Variants in CNTN4 observed in about 807,000 individuals in gnomAD.
CNTN4 encodes the protein contactin-4.
A neutral mutation model predicts 122.5 loss-of-function variants in CNTN4; 77 were observed. The observed-to-expected ratio is 0.63, with a 90% CI of 0.52 to 0.76. The LOEUF is 0.76. CNTN4 is among the 30% of genes least tolerant of loss of function. The pLI, the probability that CNTN4 is intolerant of heterozygous loss-of-function variation, is 0.00. For synonymous variants in CNTN4, 512 were observed against 447.0 expected (o/e 1.15, Z -1.83); for missense variants, 1,256 against 1,259.1 (o/e 1.00, Z 0.04).
At chr3:2,396,794 A>G (rs1348968878) in intron 3 of CNTN4, among the ~76,000 whole-genome samples, 1 of 151,972 alleles carries the variant, frequency 6.6e-6, no homozygotes, top group Non-Finnish European at 1.5e-5. Flanking sequence ...TAATTATTAG[A>G]CTGATATGGC....
chr3:2,781,834 C>T (rs1379648885), intron 6 of CNTN4, among the ~76,000 whole-genome samples: 9 of 135,600 alleles, frequency 6.6e-5, no homozygotes, highest in Admixed American at 4.3e-4. Flanking sequence ...CCGCCATTCT[C>T]CTGCCTCAGC....
At chr3:2,684,982 A>T (rs200149160) in intron 4 of CNTN4, among the ~76,000 whole-genome samples, 1 of 152,332 alleles carries the variant, frequency 6.6e-6, no homozygotes, top group East Asian at 1.9e-4. Flanking sequence ...AACTTGTGAA[A>T]CGTAAAGATT....
chr3:2,152,652 G>T (rs1182024666), intron 2 of CNTN4, among the ~76,000 whole-genome samples: 3 of 152,160 alleles, frequency 2.0e-5, no homozygotes, highest in African/African-American at 4.8e-5. Context: ...AAAGACTAGT[G>T]CTGGAACAGG....
In CNTN4 at chr3:3,038,949, A is replaced by G; in HGVS notation, c.2109A>G (p.Pro703=). ...RTEEALPEVT[P]ANVSGGGGSK... ...CTTGTGCAGTCCCCGAAGTCACACC[A>G]GCGAATGTCAGTGGTGGCGGAGGCA... The change falls in exon 19 of 25, where the codon CCA becomes CCG. Residue 703 remains proline, a synonymous_variant. Coordinates refer to ENST00000418658, the MANE Select transcript of CNTN4 (RefSeq NM_175607.3). 1 of 1,614,154 alleles carries G rather than the reference A, an allele frequency of 6.2e-7. No individual in the cohort carries two copies. Among genetic ancestry groups the G allele is most frequent in the Non-Finnish European group, 8.5e-7 (1 of 1,179,998 alleles).
At chr3:2,793,771 T>G (rs2092085479) in intron 6 of CNTN4, among the ~76,000 whole-genome samples, 1 of 152,180 alleles carries the variant, frequency 6.6e-6, no homozygotes, top group South Asian at 2.1e-4. Flanking sequence ...CTTGCCTTGA[T>G]TACAGTTACT....
At chr3:2,480,193 C>G (rs577011536) in intron 3 of CNTN4, among the ~76,000 whole-genome samples, 26 of 151,962 alleles carry the variant, frequency 1.7e-4, no homozygotes, top group South Asian at 4.2e-4. Flanking sequence ...CAAAGTTTTC[C>G]TACCAGGATC....
At chr3:3,003,684 C>CAAAAAAAAAAAAA (rs58290160) in intron 14 of CNTN4, among the ~76,000 whole-genome samples, 10 of 76,982 alleles carry the variant, frequency 1.3e-4, no homozygotes, top group Non-Finnish European at 2.1e-4. Flanking sequence ...ATGGTTGCAC[C>CAAAAAAAAAAAAA]AAAAAAAAAA....
intron 2 of CNTN4, among the ~76,000 whole-genome samples, chr3:2,336,980 A>G (rs751455523): frequency 2.0e-5 from 3 of 152,318 alleles, no homozygotes; most frequent in East Asian, 1.9e-4. Flanking sequence ...TGATGGTTCA[A>G]TAGCTGTAGC....
At chr3:2,310,350 A>G (rs1474640946) in intron 2 of CNTN4, among the ~76,000 whole-genome samples, 1 of 152,140 alleles carries the variant, frequency 6.6e-6, no homozygotes, top group African/African-American at 2.4e-5. Flanking sequence ...GACACTGTGG[A>G]GCTATGGGAT....
intron 3 of CNTN4, among the ~76,000 whole-genome samples, chr3:2,477,608 T>A (rs1423873946): frequency 6.6e-6 from 1 of 152,214 alleles, no homozygotes; most frequent in Non-Finnish European, 1.5e-5. Context: ...AGCTCTATCT[T>A]CTACCCTTAG....
chr3:2,852,894 AC>A (rs1335034035), intron 7 of CNTN4, among the ~76,000 whole-genome samples: 3 of 152,170 alleles, frequency 2.0e-5, no homozygotes, highest in Non-Finnish European at 4.4e-5. Context: ...CTTGAAGCTG[AC>A]TTTTTTCTTG....
intron 3 of CNTN4, among the ~76,000 whole-genome samples, chr3:2,476,173 A>C (rs2151540591): frequency 1.3e-5 from 2 of 152,332 alleles, no homozygotes; most frequent in Middle Eastern, 3.4e-3. Context: ...CAGCAACTTT[A>C]ATGGTATCCT....
At chr3:3,004,624 T>G (rs755289227) in intron 14 of CNTN4, among the ~76,000 whole-genome samples, 19 of 152,172 alleles carry the variant, frequency 1.2e-4, no homozygotes, top group South Asian at 2.1e-4. Context: ...TTTGTAAAAT[T>G]TATATAATAG....
chr3:2,843,244 CTTTA>C lies in CNTN4; in HGVS notation c.455-23492_455-23489del, dbSNP rs142095563. ...TCAAGACTGAAATTTGGGTGATAGT[CTTTA>C]TTTATTTATTTATTTCCATGCCACC... On this transcript the variant is annotated intron_variant, in intron 7 of 24. Coordinates refer to ENST00000418658, the MANE Select transcript of CNTN4 (RefSeq NM_175607.3). 2.4e-3 allele frequency among the ~76,000 whole-genome samples: 372 copies of C among 152,164 alleles called. 3 individuals are homozygous for C. The highest frequency in any genetic ancestry group is 8.7e-3 in the African/African-American group (362 of 41,520).
intron 4 of CNTN4, among the ~76,000 whole-genome samples, chr3:2,676,220 G>T (rs954333866): frequency 8.8e-5 from 13 of 148,154 alleles, no homozygotes; most frequent in Middle Eastern, 3.5e-3. Flanking sequence ...CGACTGAGTG[G>T]TTTTTTTTTT....
intron 2 of CNTN4, among the ~76,000 whole-genome samples, chr3:2,155,693 T>G (rs2149144062): frequency 6.6e-6 from 1 of 152,280 alleles, no homozygotes; most frequent in South Asian, 2.1e-4. Context: ...TGGGTTCATC[T>G]TCTCACTCTC....
At chr3:2,173,102 A>T (rs758409677) in intron 2 of CNTN4, among the ~76,000 whole-genome samples, 18 of 152,326 alleles carry the variant, frequency 1.2e-4, no homozygotes, top group Non-Finnish European at 2.4e-4. Context: ...AAGGATGGTT[A>T]AAAATCTCAA....
chr3:2,267,213 A>G (rs140797143), intron 2 of CNTN4, among the ~76,000 whole-genome samples: 3 of 152,200 alleles, frequency 2.0e-5, no homozygotes, highest in East Asian at 3.9e-4. Context: ...ATTTCCTAAG[A>G]TGATACTGCT....
chr3:2,818,554 C>A (rs1218863860), intron 6 of CNTN4, among the ~76,000 whole-genome samples: 3 of 152,002 alleles, frequency 2.0e-5, no homozygotes, highest in South Asian at 4.2e-4. Flanking sequence ...ATGTAATAGA[C>A]AACAAAAAAC....
Sources: gnomAD v4.1 joint callset for allele counts (sites outside exome capture counted in the v4.1 genomes callset) on GRCh38, gnomAD v4.1.1 for gene constraint, MANE v1.5 for transcripts, NCBI Gene and HGNC (gene_info 2026-07-23, HGNC 2026-07-21) for gene names.